The following PDC variants were observed in gnomAD, a reference collection of about 807,000 sequenced individuals.
The protein encoded by PDC is phosducin.
In PDC, 19 loss-of-function variants were observed where a neutral mutation model predicts 22.2. The observed-to-expected ratio is 0.86, with a 90% CI of 0.60 to 1.26. PDC has a LOEUF of 1.26. Among genes scored for constraint, PDC ranks in the 50% most tolerant of loss-of-function variants. PDC has a pLI of 0.00. For synonymous variants in PDC, 97 were observed against 96.2 expected, an observed-to-expected ratio of 1.01 and a Z score of -0.05; for missense variants, 274 against 286.8, an observed-to-expected ratio of 0.96 and a Z score of 0.32.
In PDC at chr1:186,444,325, T is replaced by G; in HGVS notation, c.395A>C (p.Lys132Thr). The G allele has an allele frequency of 1.2e-6, 2 of 1,613,932 alleles. No homozygotes were observed. Among genetic ancestry groups the G allele is most frequent in the Non-Finnish European group, 1.7e-6 (2 of 1,179,828 alleles). ...QFLETIEKEL[K>T]ITTIVVHIYE... ...AATGTGAACAACAATTGTGGTGATC[T>G]TCAGTTCCTTTTCAATTGTTTCTAG... Residue 132 changes from lysine to threonine, a missense_variant, in exon 4 of 4, where the codon AAG becomes ACG. Physicochemically the swap from Lys to Thr is moderately conservative, Grantham distance 78. Transcript: ENST00000391997.
At chr1:186,460,008 T>C (rs1662550381) in intron 1 of PDC, among the ~76,000 whole-genome samples, 1 of 151,770 alleles carries the variant, frequency 6.6e-6, no homozygotes, top group Admixed American at 6.6e-5. Context: ...AAAACATTAT[T>C]TCTGTTTCAT....
At chr1:186,454,168 C>CTTTTTTTTTTTTTT (rs397860509) in intron 1 of PDC, among the ~76,000 whole-genome samples, 109 of 94,208 alleles carry the variant, frequency 1.2e-3, no homozygotes, top group Middle Eastern at 9.3e-3. Context: ...TCTTTTCTTT[C>CTTTTTTTTTTTTTT]TTTTTTTTTT....
chr1:186,459,752 GTATATA>G (rs56927589), intron 1 of PDC, among the ~76,000 whole-genome samples: 17,807 of 112,138 alleles, frequency 0.16, 1,515 homozygotes, highest in East Asian at 0.44. Context: ...GTGTGTGTGT[GTATATA>G]TATATATATA....
Position 186,455,797 on chromosome 1 carries a change from TAA to T in PDC, c.-25+5260_-25+5261del, listed in dbSNP as rs71104862. ...TAACACGGTGAAACCCCGTCTCTAC[TAA>T]AAAAAAAAAAAAAAAAAAAAAAATT... On this transcript the variant is annotated intron_variant, in intron 1 of 3. Transcript: ENST00000391997. 4.9e-3 allele frequency among the ~76,000 whole-genome samples: 191 copies of T among 39,360 alleles called. 4 individuals are homozygous for T. Among genetic ancestry groups the T allele is most frequent in the African/African-American group, 0.02 (178 of 8,992 alleles). 25.8% of individuals were successfully genotyped at this position (39,360 alleles called of 152,430 possible). A position where few individuals can be genotyped will look rare whatever the true frequency, so the allele number is the denominator to read the frequency against.
intron 1 of PDC, among the ~76,000 whole-genome samples, chr1:186,453,799 A>G (rs1208369303): frequency 2.0e-5 from 3 of 152,078 alleles, no homozygotes; most frequent in Non-Finnish European, 2.9e-5. Context: ...ACACAAAACT[A>G]TTATCCTTGT....
chr1:186,449,662 G>T (rs1662309708), intron 1 of PDC, among the ~76,000 whole-genome samples, 179 bp from the exon 2 acceptor site: 1 of 152,108 alleles, frequency 6.6e-6, no homozygotes, highest in Admixed American at 6.5e-5. Context: ...GAATGTTTCT[G>T]TCCGCAATGT....
At chr1:186,458,268 C>A (rs1571727964) in intron 1 of PDC, among the ~76,000 whole-genome samples, 1 of 108,222 alleles carries the variant, frequency 9.2e-6, no homozygotes, top group Non-Finnish European at 1.8e-5. Flanking sequence ...AAGGTTGAGA[C>A]AAGAGCACAA....
intron 1 of PDC, among the ~76,000 whole-genome samples, chr1:186,451,947 A>G (rs74134844): frequency 6.6e-6 from 1 of 152,382 alleles, no homozygotes; most frequent in African/African-American, 2.4e-5. Flanking sequence ...GACAGAGTCC[A>G]TCCTTATCTA....
chr1:186,454,690 T>G (rs1662421410), intron 1 of PDC, among the ~76,000 whole-genome samples: 1 of 152,214 alleles, frequency 6.6e-6, no homozygotes, highest in Admixed American at 6.5e-5. Context: ...ATAGAACTAC[T>G]CTTACATGTG....
At chr1:186,449,902 C>G (rs1662315545) in intron 1 of PDC, among the ~76,000 whole-genome samples, 1 of 152,054 alleles carries the variant, frequency 6.6e-6, no homozygotes, top group Non-Finnish European at 1.5e-5. Context: ...TAATTATATA[C>G]TTGCTATGAA....
chr1:186,460,016 C>T (rs1035393734), intron 1 of PDC, among the ~76,000 whole-genome samples: 1 of 151,594 alleles, frequency 6.6e-6, no homozygotes, highest in Non-Finnish European at 1.5e-5. Flanking sequence ...ATTTCTGTTT[C>T]ATTAAATTTC....
chr1:186,450,371 C>T (rs1662326692), intron 1 of PDC, among the ~76,000 whole-genome samples: 1 of 151,946 alleles, frequency 6.6e-6, no homozygotes, highest in Admixed American at 6.6e-5. Flanking sequence ...AACTCTGTCT[C>T]CCAGGCTTCA....
At chr1:186,456,246 A>G (rs1662469390) in intron 1 of PDC, among the ~76,000 whole-genome samples, 1 of 151,956 alleles carries the variant, frequency 6.6e-6, no homozygotes, top group Non-Finnish European at 1.5e-5. Context: ...AGTAACTAGT[A>G]GAACATCTAA....
chr1:186,459,056 G>T (rs1028941502), intron 1 of PDC, among the ~76,000 whole-genome samples: 1 of 152,180 alleles, frequency 6.6e-6, no homozygotes, highest in Admixed American at 6.5e-5. Flanking sequence ...CAGATACTCC[G>T]GAGGCTGACG....
chr1:186,452,115 A>G (rs1662365727), intron 1 of PDC, among the ~76,000 whole-genome samples: 2 of 152,206 alleles, frequency 1.3e-5, no homozygotes, highest in Non-Finnish European at 2.9e-5. Context: ...GAATATTATG[A>G]GCCATTAATA....
At chr1:186,459,324 C>A (rs1185283294) in intron 1 of PDC, among the ~76,000 whole-genome samples, 1 of 152,190 alleles carries the variant, frequency 6.6e-6, no homozygotes, top group Admixed American at 6.5e-5. Flanking sequence ...CAGGCACGCG[C>A]CGCCACGCCT....
intron 1 of PDC, among the ~76,000 whole-genome samples, chr1:186,450,790 T>C (rs937972067): frequency 1.3e-5 from 2 of 152,218 alleles, no homozygotes; most frequent in African/African-American, 4.8e-5. Context: ...AGCTTTGGAC[T>C]ATCCAGAAAA....
chr1:186,454,469 C>T (rs527900332), intron 1 of PDC, among the ~76,000 whole-genome samples: 2 of 151,418 alleles, frequency 1.3e-5, no homozygotes, highest in East Asian at 3.9e-4. Context: ...GCCACCGCAC[C>T]TGGCCTATTT....
At chr1:186,444,544 A>G (rs370382715) in intron 3 of PDC, 38 bp from the exon 4 acceptor site, 14 of 1,399,566 alleles carry the variant, frequency 1.0e-5, no homozygotes, top group Non-Finnish European at 1.4e-5. Context: ...TTAAGTCAGA[A>G]GTTTTATTCC....
Sources: gnomAD v4.1 joint callset for allele counts (sites outside exome capture counted in the v4.1 genomes callset) on GRCh38, gnomAD v4.1.1 for gene constraint, MANE v1.5 for transcripts, NCBI Gene and HGNC (gene_info 2026-07-23, HGNC 2026-07-21) for gene names.